SEC14L1: variants seen among roughly 807,000 people sequenced by gnomAD.
SEC14L1 encodes the protein SEC14-like protein 1.
Under a neutral mutation model 85.3 loss-of-function variants are expected in SEC14L1, and 48 were observed. The ratio of observed to expected loss-of-function variants is 0.56; its 90% confidence interval spans 0.45 to 0.72. The LOEUF is 0.72. SEC14L1 is among the 30% of genes least tolerant of loss of function. SEC14L1 has a pLI of 0.00. For missense variants in SEC14L1, 682 were observed against 921.4 expected (o/e 0.74, Z 3.36); for synonymous variants, 391 against 355.5 (o/e 1.10, Z -1.12).
chr17:77,212,954 A>G (rs1013255689), intron 15 of SEC14L1, among the ~76,000 whole-genome samples: 2 of 152,324 alleles, frequency 1.3e-5, no homozygotes, highest in South Asian at 2.1e-4. Context: ...GCAGCATGTC[A>G]GAGAAAGTGA....
intron 4 of SEC14L1, 90 bp downstream of exon 4, chr17:77,191,042 C>CGTCCTGG (rs1374352283): frequency 1.4e-4 from 213 of 1,553,436 alleles, no homozygotes; most frequent in Non-Finnish European, 1.6e-4. Context: ...AGGGAGAGGG[C>CGTCCTGG]ATCCTGGAGG....
At chr17:77,095,615 G>A (rs967723956) in intron 3 of SEC14L1, among the ~76,000 whole-genome samples, 1 of 152,016 alleles carries the variant, frequency 6.6e-6, no homozygotes, top group Non-Finnish European at 1.5e-5. Context: ...TCAGGAGTTC[G>A]AAAGCAGCCT....
At chr17:77,098,344 CA>C (rs1283539995) in intron 3 of SEC14L1, among the ~76,000 whole-genome samples, 44 of 151,984 alleles carry the variant, frequency 2.9e-4, no homozygotes, top group African/African-American at 1.0e-3. Flanking sequence ...ACTAAAAATA[CA>C]AAAATTAGTC....
intron 13 of SEC14L1, among the ~76,000 whole-genome samples, chr17:77,208,533 A>G (rs1976581395): frequency 6.6e-6 from 1 of 152,092 alleles, no homozygotes; most frequent in Admixed American, 6.5e-5. Context: ...GGGCCTTCTA[A>G]GGCTTCTTCA....
Position 77,191,331 on chromosome 17 carries a change from G to T in SEC14L1, c.345+19G>T. On this transcript the variant is annotated intron_variant, in intron 5 of 16. Transcript: ENST00000436233. ...CTACACCGTGAGTAATCTGTCACTCGGCGGAAGATGTTCTGCCGACATATG... is the reference window on the plus strand; with the variant it reads ...CTACACCGTGAGTAATCTGTCACTCTGCGGAAGATGTTCTGCCGACATATG... 1 of 1,613,314 alleles carries T rather than the reference G, an allele frequency of 6.2e-7. No homozygotes were observed. The highest frequency in any genetic ancestry group is 8.5e-7 in the Non-Finnish European group (1 of 1,179,586).
chr17:77,203,526 A>C, intron 9 of SEC14L1, 44 bp from the exon 10 acceptor site: 1 of 1,540,660 alleles, frequency 6.5e-7, no homozygotes, highest in Non-Finnish European at 9.0e-7. Context: ...CCTCAGTTTC[A>C]ACTGGGATGG....
intron 3 of SEC14L1, among the ~76,000 whole-genome samples, chr17:77,172,122 A>G (rs1203478524): frequency 6.6e-6 from 1 of 152,024 alleles, no homozygotes; most frequent in Non-Finnish European, 1.5e-5. Flanking sequence ...CCTGTGAACA[A>G]GTTACACCAG....
intron 3 of SEC14L1, among the ~76,000 whole-genome samples, chr17:77,103,156 G>A (rs1373160889): frequency 6.6e-6 from 1 of 151,002 alleles, no homozygotes; most frequent in Non-Finnish European, 1.5e-5. Context: ...TCTGTAGTCC[G>A]GTCTGGAGTG....
intron 3 of SEC14L1, among the ~76,000 whole-genome samples, chr17:77,164,814 G>T (rs1391005961): frequency 6.6e-6 from 1 of 152,182 alleles, no homozygotes; most frequent in Non-Finnish European, 1.5e-5. Context: ...GTGGAGTCTG[G>T]CAGATAATTG....
chr17:77,153,393 C>A (rs1231618178), intron 3 of SEC14L1, among the ~76,000 whole-genome samples: 1 of 152,120 alleles, frequency 6.6e-6, no homozygotes, highest in African/African-American at 2.4e-5. Flanking sequence ...CATTTGCTGG[C>A]AGAGATGGAA....
chr17:77,182,324 G>A (rs1205523057), intron 3 of SEC14L1, among the ~76,000 whole-genome samples: 3 of 152,188 alleles, frequency 2.0e-5, no homozygotes, highest in Non-Finnish European at 4.4e-5. Context: ...GCATTCAAAG[G>A]TTGGTTAAAA....
At chr17:77,192,430 A>G (rs1010653304) in intron 5 of SEC14L1, among the ~76,000 whole-genome samples, 3 of 152,194 alleles carry the variant, frequency 2.0e-5, no homozygotes, top group Non-Finnish European at 4.4e-5. Flanking sequence ...AAGAGCCCAT[A>G]GTCTTTATGG....
At chr17:77,154,109 C>T (rs1212851459) in intron 3 of SEC14L1, among the ~76,000 whole-genome samples, 1 of 152,084 alleles carries the variant, frequency 6.6e-6, no homozygotes, top group Non-Finnish European at 1.5e-5. Context: ...AAATAAAACG[C>T]ATGCAACAAC....
chr17:77,158,616 C>T (rs185785652), intron 3 of SEC14L1, among the ~76,000 whole-genome samples: 1 of 150,516 alleles, frequency 6.6e-6, no homozygotes, highest in East Asian at 2.1e-4. Context: ...TTCCCTTCCT[C>T]TTCAGGGGTG....
intron 3 of SEC14L1, among the ~76,000 whole-genome samples, chr17:77,114,423 C>T (rs1972121911): frequency 6.6e-6 from 1 of 151,866 alleles, no homozygotes; most frequent in Admixed American, 6.6e-5. Context: ...ACTCAGGAGG[C>T]TGAGGCAGGA....
chr17:77,193,092 A>G (rs1429871402), intron 5 of SEC14L1, among the ~76,000 whole-genome samples: 1 of 152,196 alleles, frequency 6.6e-6, no homozygotes, highest in African/African-American at 2.4e-5. Flanking sequence ...AAAGCTTCCA[A>G]GGCCAATACC....
At chr17:77,143,737 T>G in intron 3 of SEC14L1, 78 bp downstream of exon 3, 1 of 1,073,518 alleles carries the variant, frequency 9.3e-7, no homozygotes, top group Non-Finnish European at 1.4e-6. Flanking sequence ...GATCTATAGA[T>G]TTATTGTTCG....
chr17:77,139,007 CTTTGGAA>C (rs1197672830), upstream of SEC14L1, among the ~76,000 whole-genome samples: 4 of 151,876 alleles, frequency 2.6e-5, no homozygotes, highest in African/African-American at 4.8e-5. Flanking sequence ...TCTTTTTTTC[CTTTGGAA>C]TTTGATAAAG....
chr17:77,194,552 A>G lies in SEC14L1; in HGVS notation c.475-125A>G, dbSNP rs537643200. The G allele has an allele frequency of 1.2e-3, 214 of 180,556 alleles. 1 individual carries two copies. The East Asian group carries it at 0.028, about 23-fold the overall frequency. 11.2% of individuals were successfully genotyped at this position (180,556 alleles called of 1,614,324 possible). A position where few individuals can be genotyped will look rare whatever the true frequency, so the allele number is the denominator to read the frequency against. On this transcript the variant is annotated intron_variant, in intron 6 of 16. Transcript: ENST00000436233. ...GGGCCACAAAGCGAGACCCTGTCTC[A>G]AAAAAAAAAAAAGATTGTGAGGCTC...
Sources: allele counts gnomAD v4.1 joint callset (sites outside exome capture counted in the v4.1 genomes callset), GRCh38; gene constraint gnomAD v4.1.1; transcripts MANE v1.5; gene names NCBI Gene and HGNC (gene_info 2026-07-23, HGNC 2026-07-21).